RASGRP2: variants seen among roughly 807,000 people sequenced by gnomAD.
RASGRP2 encodes RAS guanyl-releasing protein 2.
In RASGRP2, 44 loss-of-function variants were observed where a neutral mutation model predicts 71.0. The observed-to-expected ratio is 0.62, with a 90% CI of 0.49 to 0.80. The LOEUF (loss-of-function observed/expected upper bound fraction) is 0.80. Ranked by LOEUF, RASGRP2 falls within the 30% of genes least tolerant of loss-of-function variation. RASGRP2 has a pLI of 0.00. For synonymous variants in RASGRP2, 350 were observed against 330.7 expected, an observed-to-expected ratio of 1.06 and a Z score of -0.63; for missense variants, 663 against 813.4, an observed-to-expected ratio of 0.82 and a Z score of 2.25.
chr11:64,737,702 A>T (rs1297809145), intron 8 of RASGRP2, among the ~76,000 whole-genome samples: 3 of 151,066 alleles, frequency 2.0e-5, no homozygotes, highest in African/African-American at 7.3e-5. Flanking sequence ...AAAAGAAAGA[A>T]AAAGAAAGAA....
In RASGRP2 at chr11:64,739,482, A is replaced by C. The variant is rs779129359; in HGVS notation, c.697-6T>G. On this transcript the variant is annotated splice_region_variant and splice_polypyrimidine_tract_variant and intron_variant, in intron 7 of 16. Coordinates refer to ENST00000394432, the MANE Select transcript of RASGRP2 (RefSeq NM_001098671.2). The surrounding 1 kb of genome is among the most constrained non-coding windows in gnomAD (Gnocchi z 4.2). Reference sequence around the variant, plus strand: ...TTCTGCAGCTGTAGCAGCTTCTGGAAGGCAAATGGGGACGGAGAGGCAGGG... The same window carrying C: ...TTCTGCAGCTGTAGCAGCTTCTGGACGGCAAATGGGGACGGAGAGGCAGGG... The C allele has an allele frequency of 2.5e-6, 4 of 1,613,920 alleles. No homozygotes were observed. The highest frequency in any genetic ancestry group is 3.4e-6 in the Non-Finnish European group (4 of 1,179,818).
chr11:64,740,691 C>T, intron 5 of RASGRP2: 3 of 655,166 alleles, frequency 4.6e-6, no homozygotes, highest in Non-Finnish European at 8.4e-6. Context: ...AGAAAGGACT[C>T]GAGAGCTCAG....
chr11:64,727,263 G>A lies in RASGRP2; in HGVS notation c.*6+33C>T, dbSNP rs778056414. 2.5e-6 allele frequency: 4 copies of A among 1,597,914 alleles called. No individual in the cohort carries two copies. The South Asian group carries it at 4.4e-5, about 18-fold the overall frequency. ...CCCAGCTCCCCCCCAGCCCTCAGTG[G>A]GGAGCTCTGGTGCCAGCTGTGGGAG... On this transcript the variant is annotated intron_variant, in intron 16 of 16. Coordinates refer to ENST00000394432, the MANE Select transcript of RASGRP2 (RefSeq NM_001098671.2).
At position 64,727,328 on chromosome 11, in the gene RASGRP2, C is replaced by A. The variant is rs2057596449; in HGVS notation, c.1804G>T (p.Asp602Tyr). 1 of 1,613,858 alleles carries A rather than the reference C, an allele frequency of 6.2e-7. No individual in the cohort carries two copies. The highest frequency in any genetic ancestry group is 1.1e-5 in the South Asian group (1 of 91,076). Residue 602 changes from aspartate to tyrosine, a missense_variant, in exon 16 of 17, where the codon GAT (aspartate) becomes TAT (tyrosine). Asp to Tyr is a radical substitution (Grantham distance 160). Coordinates refer to ENST00000394432, the MANE Select transcript of RASGRP2 (RefSeq NM_001098671.2). ...TACAAGTGGATGTCAAACACCCCATCCTCCACCGTCTGTACCTCCTCCTCA... is the reference window on the plus strand; with the variant it reads ...TACAAGTGGATGTCAAACACCCCATACTCCACCGTCTGTACCTCCTCCTCA... ...IREEEVQTVE[D>Y]GVFDIHL
chr11:64,732,874 C>T (rs1351016759), intron 12 of RASGRP2, among the ~76,000 whole-genome samples: 24 of 151,504 alleles, frequency 1.6e-4, no homozygotes, highest in East Asian at 1.9e-4. Flanking sequence ...CACTTGAACC[C>T]GGGAGGCGGA....
rs1344319506 is a variant in RASGRP2 at position 64,739,852 on chromosome 11, C to G, written c.523-43G>C. 5.6e-6 allele frequency: 9 copies of G among 1,611,732 alleles called. No individual in the cohort carries two copies. Among genetic ancestry groups the G allele is most frequent in the Non-Finnish European group, 7.6e-6 (9 of 1,179,348 alleles). ...GGCCTCAGCACCTTGCTGGCCTCTC[C>G]CCTCACTGATAGCCACTCCTCACCC... On this transcript the variant is annotated intron_variant, in intron 6 of 16. Coordinates refer to ENST00000394432, the MANE Select transcript of RASGRP2 (RefSeq NM_001098671.2). This position sits in a 1 kb window ranked among gnomAD's most constrained non-coding sequence, Gnocchi z 4.2.
chr11:64,739,214 G>T lies in RASGRP2; in HGVS notation c.813+146C>A. 1.4e-6 allele frequency: 1 copy of T among 699,416 alleles called. No homozygotes were observed. The allele number at this position is 699,416 out of a possible 1,614,324, so 43.3% of individuals were successfully genotyped here. On this transcript the variant is annotated intron_variant, in intron 8 of 16. Transcript: ENST00000394432. This position sits in a 1 kb window ranked among gnomAD's most constrained non-coding sequence, Gnocchi z 4.2. ...GCCCCCACTCTGCTGTTGCCATTGT[G>T]CAAACTGAGAAAAGCACTTAACCCC...
upstream of RASGRP2, chr11:64,744,987 C>T (rs2058259883): frequency 6.6e-6 from 1 of 150,908 alleles, no homozygotes; most frequent in African/African-American, 2.4e-5. Context: ...CGCGGCGGTC[C>T]CTGCGGCAGC....
intron 14 of RASGRP2, among the ~76,000 whole-genome samples, chr11:64,729,421 C>G (rs2057686411): frequency 6.6e-6 from 1 of 151,958 alleles, no homozygotes; most frequent in Admixed American, 6.5e-5. Flanking sequence ...ACTGCAAACC[C>G]CGCCTCCCAG....
At chr11:64,728,654 C>T (rs1783324288) in intron 15 of RASGRP2, among the ~76,000 whole-genome samples, 1 of 152,008 alleles carries the variant, frequency 6.6e-6, no homozygotes. Flanking sequence ...AGGATGGTCT[C>T]GATCTCCTGA....
chr11:64,735,123 G>A lies in RASGRP2; in HGVS notation c.1401C>T (p.Leu467=), dbSNP rs150425817. The A allele has an allele frequency of 2.0e-5, 33 of 1,613,608 alleles. No individual in the cohort carries two copies. Among genetic ancestry groups the A allele is most frequent in the Admixed American group, 6.7e-5 (4 of 60,004 alleles). Reference sequence around the variant, plus strand: ...CCAGCCCTCCTCACTGGTTCTGGTCGAGGTCCCCAAAGGCGCTGAGGTAAG... The same window carrying A: ...CCAGCCCTCCTCACTGGTTCTGGTCAAGGTCCCCAAAGGCGCTGAGGTAAG... ...NFPYLSAFGD[L]DQNQDGCISR... is the part of the protein sequence containing the mutation. The change falls in exon 12 of 17, where the codon CTC becomes CTT. Residue 467 remains leucine (L), a synonymous_variant. Transcript: ENST00000394432. This position sits in a 1 kb window ranked among gnomAD's most constrained non-coding sequence, Gnocchi z 4.2.
Position 64,729,750 on chromosome 11 carries a change from A to G in RASGRP2, c.1591+12T>C. 2 of 1,613,864 alleles carry G rather than the reference A, an allele frequency of 1.2e-6. No individual in the cohort carries two copies. Among genetic ancestry groups the G allele is most frequent in the Non-Finnish European group, 1.7e-6 (2 of 1,179,796 alleles). ...ACACTGCCCAGCAGCCCTTCCAGTCATTCCATCTCACCTCGGCATTTGAGG... is the reference window on the plus strand; with the variant it reads ...ACACTGCCCAGCAGCCCTTCCAGTCGTTCCATCTCACCTCGGCATTTGAGG... On this transcript the variant is annotated intron_variant, in intron 14 of 16. Coordinates refer to ENST00000394432, the MANE Select transcript of RASGRP2 (RefSeq NM_001098671.2).
Position 64,736,950 on chromosome 11 carries a change from G to A in RASGRP2, c.898C>T (p.Arg300Cys), listed in dbSNP as rs202159133. Residue 300 changes from arginine to cysteine, a missense_variant, in exon 9 of 17, where the codon CGC (arginine) becomes TGC (cysteine). Transcript: ENST00000394432. ...AGGTGCACACCCAGGATCGGGAAGC[G>A]GAAGCCCACACAGGCTGCCAGCCGA... Reference protein sequence around the residue: ...RRRLAACVGFRFPILGVHLKD... With the variant: ...RRRLAACVGFCFPILGVHLKD... 7.5e-5 allele frequency: 121 copies of A among 1,613,918 alleles called. No individual in the cohort carries two copies. Among genetic ancestry groups the A allele is most frequent in the South Asian group, 3.6e-4 (33 of 91,086 alleles).
In RASGRP2 at chr11:64,742,778, C is replaced by T. The variant is rs116796696; in HGVS notation, c.73+16G>A. On this transcript the variant is annotated intron_variant, in intron 2 of 16. Transcript: ENST00000394432. The surrounding 1 kb of genome is among the most constrained non-coding windows in gnomAD (Gnocchi z 4.7). ...GGGCTAGGCTCAGGCTCCGTGTGCC[C>T]TCCCGAGCCACTCACCGAAGGCTTC... The T allele has an allele frequency of 0.011, 16,790 of 1,597,596 alleles. 175 individuals are homozygous for T. The highest frequency in any genetic ancestry group is 0.053 in the African/African-American group (3,934 of 74,822).
intron 14 of RASGRP2, 143 bp from the exon 15 acceptor site, chr11:64,729,185 T>TCTC: frequency 1.2e-6 from 1 of 830,692 alleles, no homozygotes; most frequent in South Asian, 1.5e-5. Context: ...TCCAAAGTGT[T>TCTC]CTCCTCCTCC....
rs751287979 is a variant in RASGRP2 at position 64,739,484 on chromosome 11, G to A, written c.697-8C>T. ...CTGCAGCTGTAGCAGCTTCTGGAAG[G>A]CAAATGGGGACGGAGAGGCAGGGAG... On this transcript the variant is annotated splice_region_variant and splice_polypyrimidine_tract_variant and intron_variant, in intron 7 of 16. Transcript: ENST00000394432. The surrounding 1 kb of genome is among the most constrained non-coding windows in gnomAD (Gnocchi z 4.2). 1.9e-6 allele frequency: 3 copies of A among 1,613,718 alleles called. No homozygotes were observed. The highest frequency in any genetic ancestry group is 2.2e-5 in the South Asian group (2 of 91,062).
At chr11:64,738,343 C>A (rs2058014713) in intron 8 of RASGRP2, among the ~76,000 whole-genome samples, 1 of 152,050 alleles carries the variant, frequency 6.6e-6, no homozygotes, top group Admixed American at 6.6e-5. Context: ...GTGCTGGGCG[C>A]TTGGGGGCCT....
intron 14 of RASGRP2, among the ~76,000 whole-genome samples, 172 bp from the exon 15 acceptor site, chr11:64,729,214 T>A (rs2057678046): frequency 6.6e-6 from 1 of 152,186 alleles, no homozygotes; most frequent in East Asian, 1.9e-4. Flanking sequence ...AGTCTATGCC[T>A]TCTCCCATGT....
Position 64,736,973 on chromosome 11 carries a change from C to A in RASGRP2, c.875G>T (p.Arg292Leu), listed in dbSNP as rs760536759. Reference sequence around the variant, plus strand: ...GCGGAAGCCCACACAGGCTGCCAGCCGACGCCGGTAGTTGCCATAGTTGCC... The same window carrying A: ...GCGGAAGCCCACACAGGCTGCCAGCAGACGCCGGTAGTTGCCATAGTTGCC... ...ATGNYGNYRR[R>L]LAACVGFRFP... is the part of the protein sequence containing the mutation. Residue 292 changes from arginine to leucine, a missense_variant, in exon 9 of 17, where the codon CGG (arginine) becomes CTG (leucine). Transcript: ENST00000394432. 15 of 1,613,704 alleles carry A rather than the reference C, an allele frequency of 9.3e-6. No homozygotes were observed. In the East Asian group the frequency reaches 3.1e-4, roughly 34 times the overall value.
Sources: gnomAD v4.1 joint callset for allele counts (sites outside exome capture counted in the v4.1 genomes callset) on GRCh38, gnomAD v4.1.1 for gene constraint, Gnocchi (gnomAD v3.1) non-coding constraint, MANE v1.5 for transcripts, NCBI Gene and HGNC (gene_info 2026-07-23, HGNC 2026-07-21) for gene names.